Variants in SNTG2 observed in about 807,000 individuals in gnomAD.
The protein encoded by SNTG2 is syntrophin gamma 2.
In SNTG2, 74 loss-of-function variants were observed where a neutral mutation model predicts 70.9. The ratio of observed to expected loss-of-function variants is 1.04; its 90% CI spans 0.86 to 1.27. The LOEUF (loss-of-function observed/expected upper bound fraction) is 1.27, where lower values mean the gene tolerates loss of function less well. SNTG2 is among the 50% of genes most tolerant of loss of function. SNTG2 has a pLI of 0.00. For missense variants in SNTG2, 717 were observed against 690.7 expected, an observed-to-expected ratio of 1.04 and a Z score of -0.43; for synonymous variants, 278 against 273.8, an observed-to-expected ratio of 1.02 and a Z score of -0.15.
intron 2 of SNTG2, among the ~76,000 whole-genome samples, chr2:1,085,518 A>G (rs4290688): frequency 0.78 from 118,493 of 152,172 alleles, 46,474 homozygotes; most frequent in Admixed American, 0.88. Context: ...ACATTAACGG[A>G]TAGATGTGTG....
intron 12 of SNTG2, among the ~76,000 whole-genome samples, chr2:1,249,609 G>A (rs1287417466): frequency 6.6e-6 from 1 of 152,134 alleles, no homozygotes; most frequent in Non-Finnish European, 1.5e-5. Flanking sequence ...TTTGAAACTG[G>A]CTGACTTTGC....
At chr2:1,037,976 C>T (rs536672305) in intron 1 of SNTG2, among the ~76,000 whole-genome samples, 5 of 152,268 alleles carry the variant, frequency 3.3e-5, no homozygotes, top group Admixed American at 6.5e-5. Flanking sequence ...CTTGCTATGT[C>T]ACATGGTCAC....
At chr2:1,081,405 A>G (rs919397762) in intron 1 of SNTG2, among the ~76,000 whole-genome samples, 6 of 152,232 alleles carry the variant, frequency 3.9e-5, no homozygotes, top group African/African-American at 1.2e-4. Flanking sequence ...CTGTTTTCCC[A>G]GTCGAGTGTT....
At chr2:1,273,769 A>C (rs1356118060) in intron 14 of SNTG2, among the ~76,000 whole-genome samples, 1 of 151,980 alleles carries the variant, frequency 6.6e-6, no homozygotes, top group Non-Finnish European at 1.5e-5. Flanking sequence ...TCTCAGATAC[A>C]AAACCAGAAG....
intron 1 of SNTG2, among the ~76,000 whole-genome samples, chr2:1,022,541 GTCCCTGAGTTCCCCTGAA>G (rs1336993471): frequency 6.6e-6 from 1 of 151,990 alleles, no homozygotes; most frequent in Non-Finnish European, 1.5e-5. Flanking sequence ...ATTCCCGTCA[GTCCCTGAGTTCCCCTGAA>G]TCCCTGAGTT....
rs145030870 is a variant in SNTG2, at chr2:1,172,581, G to A, written c.500-511G>A. The stretch of plus-strand genomic sequence containing the variant: ...ACTGGCTTGTTTCTGTTTAGCAGGT[G>A]TAAGCTCTGGTTGCATGAGCCTGTA... On this transcript the variant is annotated intron_variant, in intron 7 of 16. Transcript: ENST00000308624. Among the ~76,000 whole-genome samples, 92 of 152,334 alleles carry A rather than the reference G, an allele frequency of 6.0e-4. No homozygotes were observed. The Middle Eastern group carries it at 0.01, about 17-fold the overall frequency.
chr2:1,006,775 C>T (rs889025713), intron 1 of SNTG2, among the ~76,000 whole-genome samples: 2 of 152,042 alleles, frequency 1.3e-5, no homozygotes, highest in African/African-American at 4.8e-5. Flanking sequence ...CCTGTAATGT[C>T]AGCAGTTTGG....
At chr2:1,014,983 G>A (rs995917545) in intron 1 of SNTG2, among the ~76,000 whole-genome samples, 23 of 152,234 alleles carry the variant, frequency 1.5e-4, no homozygotes, top group African/African-American at 3.9e-4. Flanking sequence ...CGGGGGCCCC[G>A]GGAGGGGGCT....
At chr2:1,290,553 A>G (rs191811207) in intron 14 of SNTG2, among the ~76,000 whole-genome samples, 140 of 152,180 alleles carry the variant, frequency 9.2e-4, no homozygotes, top group African/African-American at 3.2e-3. Context: ...GACCCAAGCA[A>G]TCCACCCACC....
intron 1 of SNTG2, among the ~76,000 whole-genome samples, chr2:1,064,014 G>A (rs938408838): frequency 2.0e-5 from 3 of 152,026 alleles, no homozygotes; most frequent in African/African-American, 4.8e-5. Context: ...GAAAGTGAGA[G>A]TAAATAGAAA....
intron 14 of SNTG2, among the ~76,000 whole-genome samples, chr2:1,281,250 GT>G (rs1558175798): frequency 0.011 from 5 of 456 alleles, 1 homozygote; most frequent in East Asian, 0.038. Flanking sequence ...TGTGTGGTGT[GT>G]GTGTGGTGGT....
chr2:1,012,034 A>G (rs1659742863), intron 1 of SNTG2, among the ~76,000 whole-genome samples: 1 of 152,254 alleles, frequency 6.6e-6, no homozygotes, highest in Non-Finnish European at 1.5e-5. Flanking sequence ...AGTGAATACC[A>G]AACAGTTAGA....
chr2:1,100,458 T>G (rs1279538857), intron 4 of SNTG2, among the ~76,000 whole-genome samples: 1 of 152,220 alleles, frequency 6.6e-6, no homozygotes, highest in Non-Finnish European at 1.5e-5. Context: ...TTTTGAGGTT[T>G]TTCGAGCATT....
intron 8 of SNTG2, among the ~76,000 whole-genome samples, chr2:1,194,477 C>G (rs1005986382): frequency 6.6e-6 from 1 of 151,724 alleles, no homozygotes; most frequent in East Asian, 2.0e-4. Flanking sequence ...CAGATTTCCT[C>G]AAAGGACTAA....
intron 1 of SNTG2, among the ~76,000 whole-genome samples, chr2:1,021,347 T>G (rs1660160600): frequency 6.6e-6 from 1 of 152,136 alleles, no homozygotes; most frequent in Non-Finnish European, 1.5e-5. Flanking sequence ...TTTTGTTTGA[T>G]AATAAAAAAT....
rs147231489 is a variant in SNTG2 at position 968,966 on chromosome 2, C to T, written c.72+17898C>T. ...GCCACTCCCTATGTCCAGAGTGTCT[C>T]GGTTTTCCTTCTAGAGTTTTTATAG... On this transcript the variant is annotated intron_variant, in intron 1 of 16. Coordinates refer to ENST00000308624, the MANE Select transcript of SNTG2 (RefSeq NM_018968.4). 7.2e-3 allele frequency among the ~76,000 whole-genome samples: 1,091 copies of T among 152,000 alleles called. 7 individuals are homozygous for T. Among genetic ancestry groups the T allele is most frequent in the Middle Eastern group, 0.02 (6 of 294 alleles).
At chr2:1,049,365 A>G (rs1450176780) in intron 1 of SNTG2, among the ~76,000 whole-genome samples, 1 of 152,112 alleles carries the variant, frequency 6.6e-6, no homozygotes, top group Admixed American at 6.5e-5. Context: ...TCTCTTTACT[A>G]TCTCCATAGT....
At chr2:978,380 T>C (rs1660984273) in intron 1 of SNTG2, among the ~76,000 whole-genome samples, 1 of 152,232 alleles carries the variant, frequency 6.6e-6, no homozygotes, top group Non-Finnish European at 1.5e-5. Flanking sequence ...TTCATTCAAG[T>C]TTAGTTGGTA....
At chr2:1,240,944 A>G (rs1677007780) in intron 11 of SNTG2, among the ~76,000 whole-genome samples, 1 of 152,168 alleles carries the variant, frequency 6.6e-6, no homozygotes, top group Non-Finnish European at 1.5e-5. Context: ...TTTCCCTACT[A>G]TGTGTTTTTG....
Sources: gnomAD v4.1 joint callset for allele counts (sites outside exome capture counted in the v4.1 genomes callset) on GRCh38, gnomAD v4.1.1 for gene constraint, MANE v1.5 for transcripts, NCBI Gene and HGNC (gene_info 2026-07-23, HGNC 2026-07-21) for gene names.